ATP6V1E1: variants seen among roughly 807,000 people sequenced by gnomAD.
The protein encoded by ATP6V1E1 is V-type proton ATPase subunit E 1.
A neutral mutation model predicts 35.2 loss-of-function variants in ATP6V1E1; 21 were observed. The ratio of observed to expected loss-of-function variants is 0.60; its 90% CI spans 0.42 to 0.86. The LOEUF (loss-of-function observed/expected upper bound fraction) is 0.86. ATP6V1E1 is among the 40% of genes least tolerant of loss of function. The pLI is 0.00. For missense variants in ATP6V1E1, 183 were observed against 272.6 expected (o/e 0.67, Z 2.32); for synonymous variants, 83 against 87.8 (o/e 0.95, Z 0.30).
chr22:17,623,544 G>A (rs552840994), intron 1 of ATP6V1E1, among the ~76,000 whole-genome samples: 1 of 151,876 alleles, frequency 6.6e-6, no homozygotes, highest in Non-Finnish European at 1.5e-5. Context: ...GGTGGCGGGT[G>A]CCTGCAATCC....
chr22:17,609,640 T>C (rs9605336), intron 4 of ATP6V1E1, among the ~76,000 whole-genome samples: 52,306 of 150,770 alleles, frequency 0.35, 9,421 homozygotes, highest in African/African-American at 0.41. Flanking sequence ...GGCTAATTTT[T>C]TGTATTTTTA....
intron 4 of ATP6V1E1, among the ~76,000 whole-genome samples, chr22:17,610,338 A>ATTTTAG (rs2057809313): frequency 6.6e-6 from 1 of 152,220 alleles, no homozygotes; most frequent in Non-Finnish European, 1.5e-5. Context: ...TTACAAGTCA[A>ATTTTAG]GTCAAATCCA....
At position 17,594,598 on chromosome 22, in the gene ATP6V1E1, G is replaced by C; in HGVS notation, c.549C>G (p.Ile183Met). ...CCTTTATTTTACGATCTCCATTATA[G>C]ATCTCAACTCCACCAGCTCTGCAAA... ...LPEDIAGGVE[I>M]YNGDRKIKVS... The change falls in exon 8 of 9, where the codon ATC becomes ATG. Residue 183 changes from isoleucine to methionine, a missense_variant. Coordinates refer to ENST00000253413, the MANE Select transcript of ATP6V1E1 (RefSeq NM_001696.4). The C allele has an allele frequency of 6.3e-7, 1 of 1,583,092 alleles. No individual in the cohort carries two copies. Among genetic ancestry groups the C allele is most frequent in the Non-Finnish European group, 8.6e-7 (1 of 1,167,152 alleles).
intron 4 of ATP6V1E1, 116 bp from the exon 5 acceptor site, chr22:17,601,297 T>C: frequency 1.3e-6 from 1 of 768,060 alleles, no homozygotes; most frequent in Non-Finnish European, 2.1e-6. Context: ...TGCTGGATTT[T>C]CATTCAACAC....
At chr22:17,627,143 C>T (rs977240068) in intron 1 of ATP6V1E1, among the ~76,000 whole-genome samples, 2 of 151,920 alleles carry the variant, frequency 1.3e-5, no homozygotes, top group Non-Finnish European at 2.9e-5. Context: ...GCGCACCCCA[C>T]TAGGCCCAGA....
intron 2 of ATP6V1E1, among the ~76,000 whole-genome samples, 194 bp from the exon 3 acceptor site, chr22:17,613,514 T>G (rs1414493082): frequency 6.6e-6 from 1 of 152,228 alleles, no homozygotes; most frequent in Non-Finnish European, 1.5e-5. Context: ...AATGACGTAC[T>G]AGGAAACTAA....
At chr22:17,598,625 G>A (rs188120177) in intron 6 of ATP6V1E1, among the ~76,000 whole-genome samples, 6 of 152,310 alleles carry the variant, frequency 3.9e-5, no homozygotes, top group African/African-American at 1.4e-4. Context: ...TAGGTAAGGA[G>A]AGAAGGGAGG....
At chr22:17,616,425 T>A (rs2074040017) in intron 2 of ATP6V1E1, among the ~76,000 whole-genome samples, 1 of 152,126 alleles carries the variant, frequency 6.6e-6, no homozygotes, top group African/African-American at 2.4e-5. Flanking sequence ...ACGCCAGTAA[T>A]CCTAGCACTT....
chr22:17,628,500 C>A, intron 1 of ATP6V1E1, 103 bp downstream of exon 1: 3 of 1,491,920 alleles, frequency 2.0e-6, no homozygotes, highest in Non-Finnish European at 1.9e-6. Context: ...GACCTTCCTG[C>A]GGCATCTGGG....
intron 7 of ATP6V1E1, among the ~76,000 whole-genome samples, chr22:17,595,959 T>C (rs1317690411): frequency 2.0e-5 from 3 of 151,272 alleles, no homozygotes; most frequent in Admixed American, 2.0e-4. Flanking sequence ...TGAAACCCCG[T>C]CTCTACTAAA....
chr22:17,598,450 T>C (rs191771310), intron 6 of ATP6V1E1, among the ~76,000 whole-genome samples, 162 bp from the exon 7 acceptor site: 174 of 152,182 alleles, frequency 1.1e-3, no homozygotes, highest in African/African-American at 3.7e-3. Context: ...TGAGGAGAAA[T>C]GACAGTCTGC....
rs934442580 is a variant in ATP6V1E1 at position 17,592,231 on chromosome 22, G to C, written c.*443C>G. 1.3e-5 allele frequency: 2 copies of C among 159,602 alleles called. No individual in the cohort carries two copies. Among genetic ancestry groups the C allele is most frequent in the African/African-American group, 2.4e-5 (1 of 41,638 alleles). The allele number at this position is 159,602 out of a possible 1,614,324, so 9.9% of individuals were successfully genotyped here. ...GCTTAGATTTTAAATCACATTTACA[G>C]ATGAGGGAAAACTTCTAGGCCTAAA... On this transcript the variant is annotated 3_prime_UTR_variant, in exon 9 of 9. Coordinates refer to ENST00000253413, the MANE Select transcript of ATP6V1E1 (RefSeq NM_001696.4).
chr22:17,620,646 C>G (rs1051692543), intron 1 of ATP6V1E1, among the ~76,000 whole-genome samples: 3 of 152,146 alleles, frequency 2.0e-5, no homozygotes, highest in African/African-American at 7.2e-5. Flanking sequence ...GCTCACCACT[C>G]CTCTCCCCAC....
chr22:17,614,413 T>C (rs28539556), intron 2 of ATP6V1E1, among the ~76,000 whole-genome samples: 6,788 of 151,936 alleles, frequency 0.045, 495 homozygotes, highest in African/African-American at 0.15. Context: ...TCCCAGCACT[T>C]TGGGGGGCTG....
At chr22:17,626,947 G>A (rs1159426279) in intron 1 of ATP6V1E1, among the ~76,000 whole-genome samples, 1 of 147,498 alleles carries the variant, frequency 6.8e-6, no homozygotes, top group East Asian at 2.1e-4. Flanking sequence ...AGTGCTGGGG[G>A]CTACAGGTGT....
chr22:17,607,464 C>G (rs1318897023), intron 4 of ATP6V1E1, among the ~76,000 whole-genome samples: 1 of 152,092 alleles, frequency 6.6e-6, no homozygotes, highest in African/African-American at 2.4e-5. Flanking sequence ...TTCCATCTAC[C>G]AGTTGCCTAG....
chr22:17,626,325 A>AAAAAGAAAG (rs1555864859), intron 1 of ATP6V1E1, among the ~76,000 whole-genome samples: 1 of 122,906 alleles, frequency 8.1e-6, no homozygotes, highest in Non-Finnish European at 1.6e-5. Flanking sequence ...AAAAAAAAAA[A>AAAAAGAAAG]AAAGAAAGAA....
intron 1 of ATP6V1E1, among the ~76,000 whole-genome samples, chr22:17,626,923 C>A (rs1214898445): frequency 2.6e-5 from 4 of 152,104 alleles, no homozygotes; most frequent in Admixed American, 6.6e-5. Flanking sequence ...GATCCTCCCA[C>A]CTCAGCCTCC....
chr22:17,616,449 C>G (rs980846745), intron 2 of ATP6V1E1, among the ~76,000 whole-genome samples: 3 of 152,220 alleles, frequency 2.0e-5, no homozygotes, highest in Admixed American at 2.0e-4. Flanking sequence ...GAGGCCAAGG[C>G]AGGTGGACTG....
Sources: gnomAD v4.1 joint callset for allele counts (sites outside exome capture counted in the v4.1 genomes callset) on GRCh38, gnomAD v4.1.1 for gene constraint, MANE v1.5 for transcripts, NCBI Gene and HGNC (gene_info 2026-07-23, HGNC 2026-07-21) for gene names.